The following FMN1 variants were observed in gnomAD, a reference collection of about 807,000 sequenced individuals.
FMN1 encodes formin 1.
FMN1 carries 110 observed loss-of-function variants against 132.4 expected under a neutral mutation model. That is an observed-to-expected ratio of 0.83 (90% CI 0.71 to 0.97). The LOEUF (loss-of-function observed/expected upper bound fraction) is 0.97. Among genes scored for constraint, FMN1 ranks in the 50% least tolerant of loss-of-function variants. FMN1 has a pLI of 0.00. For synonymous variants in FMN1, 722 were observed against 651.7 expected (o/e 1.11, Z -1.64); for missense variants, 1,792 against 1,705.3 (o/e 1.05, Z -0.90).
rs1370853727 is a variant in FMN1, at chr15:32,964,166, TTG to T, written c.3077_3078del (p.Thr1026AsnfsTer13). 6.2e-7 allele frequency: 1 copy of T among 1,613,576 alleles called. No individual in the cohort carries two copies. The highest frequency in any genetic ancestry group is 8.5e-7 in the Non-Finnish European group (1 of 1,179,604). On this transcript the variant is annotated frameshift_variant, in exon 9 of 21. Transcript: ENST00000616417. LOFTEE classifies it high-confidence loss of function. ...GACAGAGGTTTTTTCTTCTGTTGAG[TTG>T]TGTCTTTGGAGAATAAATACTCAAA... Reference protein sequence around the residue: ...SEFEYLFSKDTTQQKKKPLSE... With the variant: ...SEFEYLFSKDXTQQKKKPLSE...
At chr15:33,083,895 T>TC (rs1182237310) in intron 5 of FMN1, among the ~76,000 whole-genome samples, 1 of 152,080 alleles carries the variant, frequency 6.6e-6, no homozygotes, top group African/African-American at 2.4e-5. Flanking sequence ...CCTCTGGTCA[T>TC]CCTCACGGCT....
At chr15:33,165,904 A>ACAGAAAAC (rs1241172530) in intron 3 of FMN1, among the ~76,000 whole-genome samples, 2 of 152,308 alleles carry the variant, frequency 1.3e-5, no homozygotes, top group Admixed American at 1.3e-4. Flanking sequence ...ACATCTGTTG[A>ACAGAAAAC]CAGAAAACCT....
intron 6 of FMN1, among the ~76,000 whole-genome samples, chr15:33,018,445 C>T (rs1230032604): frequency 6.6e-6 from 1 of 152,092 alleles, no homozygotes; most frequent in Non-Finnish European, 1.5e-5. Context: ...TCACCAATGG[C>T]CAATGATTTC....
chr15:33,113,035 C>T (rs1326663582), intron 4 of FMN1, among the ~76,000 whole-genome samples: 1 of 152,150 alleles, frequency 6.6e-6, no homozygotes, highest in South Asian at 2.1e-4. Context: ...CTCAGTGTGG[C>T]GGAACAAAAG....
intron 4 of FMN1, among the ~76,000 whole-genome samples, chr15:33,100,267 T>C (rs2141411114): frequency 6.6e-6 from 1 of 151,564 alleles, no homozygotes; most frequent in African/African-American, 2.4e-5. Context: ...AACTGCACAT[T>C]TGGAAAAATA....
chr15:32,842,239 T>G (rs1042063954), intron 17 of FMN1, among the ~76,000 whole-genome samples: 3 of 152,224 alleles, frequency 2.0e-5, no homozygotes, highest in African/African-American at 4.8e-5. Flanking sequence ...CACCATGCTA[T>G]GAGAAAGCGC....
Position 32,968,831 on chromosome 15 carries a change from G to A in FMN1, c.2870C>T (p.Pro957Leu). The change falls in exon 8 of 21, where the codon CCT (proline) becomes CTT (leucine). Residue 957 changes from proline to leucine, a missense_variant. By Grantham distance (98) the Pro-to-Leu change is moderately conservative. Coordinates refer to ENST00000616417, the MANE Select transcript of FMN1 (RefSeq NM_001277313.2). ...AGAGCCAAGTCCAAAGAAGAGTCCA[G>A]GGGGAGGTGGGGGTGCAAGTCCTGG... ...PPPGLAPPPP[P>L]GLFFGLGSSS... 1.2e-6 allele frequency: 2 copies of A among 1,610,502 alleles called. No individual in the cohort carries two copies. The highest frequency in any genetic ancestry group is 1.1e-5 in the South Asian group (1 of 90,686).
rs2061293933 is a variant in FMN1 at position 32,937,104 on chromosome 15, C to T, written c.3139-10843G>A. Among the ~76,000 whole-genome samples the T allele has an allele frequency of 2.0e-5, 3 of 152,154 alleles. No individual in the cohort carries two copies. The South Asian group carries it at 6.2e-4, about 32-fold the overall frequency. ...GCCAGGATTTGGAGGTTTACTCTCA[C>T]TTACTCTGCCCTGAGCAAGGGTGAG... On this transcript the variant is annotated intron_variant, in intron 9 of 20. Transcript: ENST00000616417.
At chr15:32,785,182 G>GTATATA (rs2056818263) in intron 19 of FMN1, among the ~76,000 whole-genome samples, 1 of 37,418 alleles carries the variant, frequency 2.7e-5, no homozygotes, top group African/African-American at 9.6e-5. Flanking sequence ...GTGTGTGTGT[G>GTATATA]TGTGTGTGTG....
At chr15:33,073,428 T>C (rs1377645997) in intron 5 of FMN1, among the ~76,000 whole-genome samples, 1 of 152,206 alleles carries the variant, frequency 6.6e-6, no homozygotes, top group Non-Finnish European at 1.5e-5. Flanking sequence ...AAACTATTTC[T>C]GCAGGTGAAA....
chr15:33,048,644 A>AAACAAAACAAAAACAAAAAC lies in FMN1; in HGVS notation c.2161+16312_2161+16313insGTTTTTGTTTTTGTTTTGTT, dbSNP rs1555388954. Among the ~76,000 whole-genome samples, 32 of 86,950 alleles carry AAACAAAACAAAAACAAAAAC rather than the reference A, an allele frequency of 3.7e-4. 5 individuals carry two copies. The highest frequency in any genetic ancestry group is 1.1e-3 in the East Asian group (4 of 3,772). 57.0% of individuals were successfully genotyped at this position (86,950 alleles called of 152,430 possible). ...TGGGCAATTTACCAAAAAAAAAAAA[A>AAACAAAACAAAAACAAAAAC]AAAAACCAACAGTTTAATGGACTTA... On this transcript the variant is annotated intron_variant, in intron 6 of 20. Transcript: ENST00000616417.
chr15:33,008,693 T>C (rs1458579018), intron 6 of FMN1, among the ~76,000 whole-genome samples: 1 of 152,170 alleles, frequency 6.6e-6, no homozygotes, highest in African/African-American at 2.4e-5. Context: ...ATTTCAACAA[T>C]AAGTCCCAAG....
intron 6 of FMN1, among the ~76,000 whole-genome samples, chr15:33,015,838 A>G (rs2035015097): frequency 6.6e-6 from 1 of 152,246 alleles, no homozygotes; most frequent in South Asian, 2.1e-4. Flanking sequence ...AAATGTTTTA[A>G]TGTGCATTAG....
At chr15:32,871,063 G>A (rs2059504186) in intron 16 of FMN1, among the ~76,000 whole-genome samples, 1 of 152,162 alleles carries the variant, frequency 6.6e-6, no homozygotes, top group African/African-American at 2.4e-5. Context: ...GGACTGTGTG[G>A]CAGGGGTCCT....
At chr15:32,904,160 C>T (rs17228929) in intron 12 of FMN1, among the ~76,000 whole-genome samples, 37,132 of 151,840 alleles carry the variant, frequency 0.24, 4,850 homozygotes, top group Non-Finnish European at 0.29. Context: ...TGAGTGCTCT[C>T]GGTGATGGAT....
chr15:33,108,072 G>C (rs951993400), intron 4 of FMN1, among the ~76,000 whole-genome samples: 40 of 152,012 alleles, frequency 2.6e-4, no homozygotes, highest in Non-Finnish European at 2.8e-4. Flanking sequence ...CAGTAAGAAA[G>C]AGTCTCGTGA....
chr15:33,057,077 C>T (rs948204232), intron 6 of FMN1, among the ~76,000 whole-genome samples: 2 of 152,182 alleles, frequency 1.3e-5, no homozygotes, highest in Non-Finnish European at 2.9e-5. Flanking sequence ...ACTCGGGAGG[C>T]TGAGGCAGAA....
At chr15:33,055,922 A>C (rs952638299) in intron 6 of FMN1, among the ~76,000 whole-genome samples, 20 of 152,222 alleles carry the variant, frequency 1.3e-4, no homozygotes, top group Non-Finnish European at 2.9e-4. Context: ...CAATTCATTA[A>C]AATTAAGTGA....
At chr15:33,168,513 A>C (rs902965126) in intron 3 of FMN1, among the ~76,000 whole-genome samples, 2 of 152,236 alleles carry the variant, frequency 1.3e-5, no homozygotes, top group African/African-American at 2.4e-5. Flanking sequence ...AGCCTAGAGA[A>C]GAACTTGTCC....
Sources: gnomAD v4.1 joint callset for allele counts (sites outside exome capture counted in the v4.1 genomes callset) on GRCh38, gnomAD v4.1.1 for gene constraint, MANE v1.5 for transcripts, NCBI Gene and HGNC (gene_info 2026-07-23, HGNC 2026-07-21) for gene names.